The following PLA2G4A variants were observed in gnomAD, a reference collection of about 807,000 sequenced individuals.
The protein encoded by PLA2G4A is phospholipase A2 group IVA.
Under a neutral mutation model 81.9 loss-of-function variants are expected in PLA2G4A, and 40 were observed. That is an observed-to-expected ratio of 0.49 (90% CI 0.38 to 0.64). The LOEUF (loss-of-function observed/expected upper bound fraction) is 0.64. Ranked by LOEUF, PLA2G4A falls within the 30% of genes least tolerant of loss-of-function variation. The pLI, the probability that PLA2G4A is intolerant of heterozygous loss-of-function variation, is 0.00. For synonymous variants in PLA2G4A, 302 were observed against 296.9 expected, an observed-to-expected ratio of 1.02 and a Z score of -0.18; for missense variants, 715 against 905.1, an observed-to-expected ratio of 0.79 and a Z score of 2.69.
At chr1:186,885,571 G>A (rs969781936) in intron 3 of PLA2G4A, among the ~76,000 whole-genome samples, 1 of 152,072 alleles carries the variant, frequency 6.6e-6, no homozygotes, top group African/African-American at 2.4e-5. Context: ...ATATTCAGCG[G>A]CTTATAGAAT....
chr1:186,918,153 T>C (rs375464088), intron 7 of PLA2G4A, among the ~76,000 whole-genome samples: 2 of 151,996 alleles, frequency 1.3e-5, no homozygotes, highest in East Asian at 3.9e-4. Context: ...TTTGAGGGAG[T>C]AAGGGGGCTG....
At chr1:186,924,458 A>C (rs991382737) in intron 7 of PLA2G4A, among the ~76,000 whole-genome samples, 4 of 152,018 alleles carry the variant, frequency 2.6e-5, no homozygotes, top group Non-Finnish European at 4.4e-5. Context: ...CTCCCTTTTC[A>C]CGGTCTTTAT....
chr1:186,858,676 C>T (rs1652682544), intron 2 of PLA2G4A, among the ~76,000 whole-genome samples: 1 of 152,012 alleles, frequency 6.6e-6, no homozygotes, highest in African/African-American at 2.4e-5. Flanking sequence ...ACTATAGCAA[C>T]ATATTTAGGC....
intron 1 of PLA2G4A, among the ~76,000 whole-genome samples, chr1:186,852,716 A>T (rs1302635592): frequency 6.6e-6 from 1 of 152,008 alleles, no homozygotes; most frequent in East Asian, 1.9e-4. Flanking sequence ...ATCACCTCTC[A>T]AAGGCCCCAC....
intron 3 of PLA2G4A, among the ~76,000 whole-genome samples, chr1:186,877,068 A>G (rs970617083): frequency 2.0e-5 from 3 of 152,062 alleles, no homozygotes; most frequent in African/African-American, 7.2e-5. Flanking sequence ...TATCTATTTA[A>G]TCTTTTAAGA....
chr1:186,962,490 A>ATTTTAT (rs201779389), intron 14 of PLA2G4A, among the ~76,000 whole-genome samples: 37 of 40,870 alleles, frequency 9.1e-4, no homozygotes, highest in African/African-American at 5.1e-3. Flanking sequence ...ATTTTATTTT[A>ATTTTAT]TTTATTTATT....
chr1:186,855,642 A>G (rs6703998), intron 2 of PLA2G4A, among the ~76,000 whole-genome samples: 3,593 of 151,984 alleles, frequency 0.024, 122 homozygotes, highest in African/African-American at 0.082. Context: ...TCTGCATTCA[A>G]CGTTGTGTCT....
At chr1:186,977,269 A>G (rs1308151122) in intron 15 of PLA2G4A, among the ~76,000 whole-genome samples, 1 of 152,178 alleles carries the variant, frequency 6.6e-6, no homozygotes. Flanking sequence ...AAAAACTTTC[A>G]CATGGTTATA....
At position 186,940,057 on chromosome 1, in the gene PLA2G4A, TC is replaced by T; in HGVS notation, c.997del (p.His333MetfsTer9). 6.2e-7 allele frequency: 1 copy of T among 1,609,394 alleles called. No homozygotes were observed. The highest frequency in any genetic ancestry group is 8.5e-7 in the Non-Finnish European group (1 of 1,175,792). ...QCPLPLFTCL[H>X]VKPDVSELMF... Reference sequence around the variant, plus strand: ...GCCCTTTACCTCTTTTCACCTGTCTTCATGTCAAACCTGACGTTTCAGAGCT... The same window carrying T: ...GCCCTTTACCTCTTTTCACCTGTCTTATGTCAAACCTGACGTTTCAGAGCT... On this transcript the variant is annotated frameshift_variant, in exon 10 of 18. Coordinates refer to ENST00000367466, the MANE Select transcript of PLA2G4A (RefSeq NM_024420.3). LOFTEE classifies it high-confidence loss of function.
intron 14 of PLA2G4A, among the ~76,000 whole-genome samples, chr1:186,958,517 T>A (rs1656834815): frequency 6.6e-6 from 1 of 152,204 alleles, no homozygotes; most frequent in African/African-American, 2.4e-5. Context: ...TCAGTTATTT[T>A]ACTCTATAGA....
intron 1 of PLA2G4A, among the ~76,000 whole-genome samples, chr1:186,830,231 T>C (rs111427680): frequency 7.9e-5 from 12 of 152,210 alleles, no homozygotes; most frequent in Non-Finnish European, 1.6e-4. Context: ...GTGCATTTGC[T>C]CAAAGGAGTT....
chr1:186,869,551 T>C (rs1653163529), intron 2 of PLA2G4A, among the ~76,000 whole-genome samples: 1 of 152,184 alleles, frequency 6.6e-6, no homozygotes, highest in Non-Finnish European at 1.5e-5. Flanking sequence ...GTCTACACTT[T>C]TGACAATTTT....
chr1:186,968,450 G>T (rs1411710821), intron 15 of PLA2G4A, among the ~76,000 whole-genome samples: 1 of 131,812 alleles, frequency 7.6e-6, no homozygotes, highest in Non-Finnish European at 1.7e-5. Flanking sequence ...CTATACCAGG[G>T]TCATGTAGTT....
At chr1:186,890,679 C>T (rs961846176) in intron 3 of PLA2G4A, among the ~76,000 whole-genome samples, 1 of 151,696 alleles carries the variant, frequency 6.6e-6, no homozygotes, top group Non-Finnish European at 1.5e-5. Context: ...CATGGTGTAA[C>T]CCTGTCTCTA....
At chr1:186,986,056 C>G (rs1275319346) in intron 17 of PLA2G4A, among the ~76,000 whole-genome samples, 2 of 152,012 alleles carry the variant, frequency 1.3e-5, no homozygotes, top group South Asian at 2.1e-4. Flanking sequence ...TGTGAAAAAC[C>G]TGGTTAATGG....
At chr1:186,836,489 A>G (rs1171374007) in intron 1 of PLA2G4A, among the ~76,000 whole-genome samples, 1 of 152,136 alleles carries the variant, frequency 6.6e-6, no homozygotes, top group Non-Finnish European at 1.5e-5. Flanking sequence ...ATACCATTTT[A>G]TTAATACATA....
chr1:186,831,626 C>T (rs1314150113), intron 1 of PLA2G4A, among the ~76,000 whole-genome samples: 1 of 152,018 alleles, frequency 6.6e-6, no homozygotes, highest in Non-Finnish European at 1.5e-5. Context: ...TTTTATAACA[C>T]TATTGTTTAT....
chr1:186,942,881 C>T (rs571647509), intron 10 of PLA2G4A, among the ~76,000 whole-genome samples: 3 of 151,846 alleles, frequency 2.0e-5, no homozygotes, highest in Non-Finnish European at 2.9e-5. Context: ...TGTCATAAGG[C>T]GGGTTGAGCT....
At chr1:186,908,166 A>G (rs1403000096) in intron 6 of PLA2G4A, among the ~76,000 whole-genome samples, 1 of 152,118 alleles carries the variant, frequency 6.6e-6, no homozygotes, top group African/African-American at 2.4e-5. Flanking sequence ...TAAAAGCAAG[A>G]AAGAATTAAT....
Sources: allele counts gnomAD v4.1 joint callset (sites outside exome capture counted in the v4.1 genomes callset), GRCh38; gene constraint gnomAD v4.1.1; transcripts MANE v1.5; gene names NCBI Gene and HGNC (gene_info 2026-07-23, HGNC 2026-07-21).